ZMYM4: variants seen among roughly 807,000 people sequenced by gnomAD.
The protein encoded by ZMYM4 is zinc finger MYM-type protein 4.
Under a neutral mutation model 183.2 loss-of-function variants are expected in ZMYM4, and 31 were observed. That is an observed-to-expected ratio of 0.17 (90% CI 0.13 to 0.23). The LOEUF is 0.23. Ranked by LOEUF, ZMYM4 falls within the 10% of genes least tolerant of loss-of-function variation. ZMYM4 has a pLI of 1.00. For synonymous variants in ZMYM4, 592 were observed against 631.2 expected, an observed-to-expected ratio of 0.94 and a Z score of 0.93; for missense variants, 1,273 against 1,840.3, an observed-to-expected ratio of 0.69 and a Z score of 5.64.
intron 2 of ZMYM4, among the ~76,000 whole-genome samples, chr1:35,352,269 GCACACACACACACACACACACA>G (rs56011152): frequency 4.8e-5 from 6 of 124,526 alleles, no homozygotes; most frequent in South Asian, 2.6e-4. Context: ...ACGCGCGCGC[GCACACACACACACACACACACA>G]CACACACACA....
intron 2 of ZMYM4, among the ~76,000 whole-genome samples, chr1:35,332,366 C>G (rs1053022926): frequency 6.7e-6 from 1 of 150,150 alleles, no homozygotes; most frequent in Non-Finnish European, 1.5e-5. Context: ...CTCAAGGATT[C>G]AATGGCTCCG....
At chr1:35,366,451 AAAAAT>A (rs1469532707) in intron 5 of ZMYM4, among the ~76,000 whole-genome samples, 1 of 152,232 alleles carries the variant, frequency 6.6e-6, no homozygotes, top group Non-Finnish European at 1.5e-5. Flanking sequence ...AATTAGAAGA[AAAAAT>A]AATGGAAAAA....
chr1:35,386,749 A>G (rs1411733994), intron 11 of ZMYM4, among the ~76,000 whole-genome samples: 1 of 152,160 alleles, frequency 6.6e-6, no homozygotes, highest in African/African-American at 2.4e-5. Context: ...ATAAAATTGA[A>G]TGGTACTTTT....
chr1:35,285,602 A>G (rs1640444150), intron 1 of ZMYM4, among the ~76,000 whole-genome samples: 1 of 152,228 alleles, frequency 6.6e-6, no homozygotes, highest in South Asian at 2.1e-4. Context: ...ATTTAAAAAT[A>G]GAGTATAACA....
chr1:35,391,366 A>G (rs932437848), intron 15 of ZMYM4, among the ~76,000 whole-genome samples: 1 of 152,164 alleles, frequency 6.6e-6, no homozygotes, highest in Non-Finnish European at 1.5e-5. Flanking sequence ...TTTGTTGCTT[A>G]CTTACCTTGT....
At chr1:35,346,808 G>A (rs1321488352) in intron 2 of ZMYM4, among the ~76,000 whole-genome samples, 2 of 152,082 alleles carry the variant, frequency 1.3e-5, no homozygotes, top group African/African-American at 2.4e-5. Flanking sequence ...TTCTATAGAT[G>A]TAGTGTTAGC....
At chr1:35,291,499 G>A (rs140012447) in intron 1 of ZMYM4, among the ~76,000 whole-genome samples, 1 of 151,862 alleles carries the variant, frequency 6.6e-6, no homozygotes, top group African/African-American at 2.4e-5. Flanking sequence ...GTGCCTTTTA[G>A]CATTTTATTT....
chr1:35,409,401 G>T (rs1040723480), intron 26 of ZMYM4, among the ~76,000 whole-genome samples: 2 of 152,006 alleles, frequency 1.3e-5, no homozygotes, highest in African/African-American at 4.8e-5. Flanking sequence ...AGCAGTGTAT[G>T]AAGATTCCAG....
chr1:35,319,488 G>A (rs1029553199), intron 1 of ZMYM4, among the ~76,000 whole-genome samples: 3 of 152,058 alleles, frequency 2.0e-5, no homozygotes, highest in African/African-American at 7.2e-5. Flanking sequence ...GCTGGGCGTG[G>A]TTGTGCACAC....
At position 35,405,431 on chromosome 1, in the gene ZMYM4, T is replaced by G. The variant is rs1020694155; in HGVS notation, c.3759T>G (p.His1253Gln). The part of the protein sequence containing the change: ...RSDPLGSTQD[H>Q]ALSQESSEPG... ...ACCCCTTAGGAAGTACTCAAGACCA[T>G]GCACTCTCTCAAGAATCCTCAGAGC... The change falls in exon 25 of 30, where the codon CAT becomes CAG. Residue 1253 changes from histidine (H) to glutamine (Q), a missense_variant. By Grantham distance (24) the His-to-Gln change is conservative. Transcript: ENST00000314607. 9 of 1,612,888 alleles carry G rather than the reference T, an allele frequency of 5.6e-6. No individual in the cohort carries two copies. Among genetic ancestry groups the G allele is most frequent in the Non-Finnish European group, 7.6e-6 (9 of 1,179,524 alleles).
intron 9 of ZMYM4, among the ~76,000 whole-genome samples, chr1:35,382,185 C>A (rs12032730): frequency 1.0e-5 from 1 of 99,302 alleles, no homozygotes; most frequent in East Asian, 3.4e-3. Context: ...CACACATACA[C>A]ACACACACAC....
rs1570505726 is a variant in ZMYM4 at position 35,390,232 on chromosome 1, T to C, written c.2587+134T>C. On this transcript the variant is annotated intron_variant, in intron 15 of 29. Coordinates refer to ENST00000314607, the MANE Select transcript of ZMYM4 (RefSeq NM_005095.3). The stretch of plus-strand genomic sequence containing the variant: ...TCAGTTTCCTTGTATTCTGTATCAA[T>C]AACATTTAGCTTTTTTTGTTGAACA... 4.9e-6 allele frequency: 5 copies of C among 1,030,832 alleles called. No homozygotes were observed. In the African/African-American group the frequency reaches 6.5e-5, roughly 13 times the overall value. The allele number at this position is 1,030,832 out of a possible 1,614,324, so 63.9% of individuals were successfully genotyped here.
intron 9 of ZMYM4, among the ~76,000 whole-genome samples, chr1:35,382,674 AC>A (rs1343975953): frequency 1.3e-5 from 2 of 151,828 alleles, no homozygotes; most frequent in African/African-American, 4.8e-5. Flanking sequence ...CAAACTCCTG[AC>A]CTCAAGTGAT....
intron 1 of ZMYM4, among the ~76,000 whole-genome samples, chr1:35,279,774 A>T (rs988926798): frequency 6.6e-6 from 1 of 152,214 alleles, no homozygotes; most frequent in African/African-American, 2.4e-5. Context: ...CAGCCACTTT[A>T]TAACATAGCT....
intron 17 of ZMYM4, among the ~76,000 whole-genome samples, chr1:35,393,267 G>A (rs1295169939): frequency 6.6e-6 from 1 of 152,110 alleles, no homozygotes; most frequent in Admixed American, 6.5e-5. Context: ...CAAGTCCTCT[G>A]TGTCTTAATC....
rs78703485 is a variant in ZMYM4, at chr1:35,365,175, T to C, written c.840+3386T>C. Among the ~76,000 whole-genome samples the C allele has an allele frequency of 4.4e-4, 66 of 151,450 alleles. 1 individual carries two copies. In the East Asian group the frequency reaches 0.01, roughly 23 times the overall value. Reference sequence around the variant, plus strand: ...TTATAGGTGAGAGAGCTGAGAGATATAGAGATTTAGTTACTCAAGCCCTCA... The same window carrying C: ...TTATAGGTGAGAGAGCTGAGAGATACAGAGATTTAGTTACTCAAGCCCTCA... On this transcript the variant is annotated intron_variant, in intron 5 of 29. Coordinates refer to ENST00000314607, the MANE Select transcript of ZMYM4 (RefSeq NM_005095.3).
At chr1:35,361,060 G>A (rs781598892) in intron 3 of ZMYM4, 134 bp from the exon 4 acceptor site, 8 of 674,648 alleles carry the variant, frequency 1.2e-5, no homozygotes, top group Non-Finnish European at 1.4e-5. Context: ...GTGTTTTTGG[G>A]ACCCAGTTCA....
intron 1 of ZMYM4, 107 bp from the exon 2 acceptor site, chr1:35,325,253 A>G (rs934749458): frequency 9.8e-7 from 1 of 1,025,538 alleles, no homozygotes; most frequent in Non-Finnish European, 1.4e-6. Context: ...TGCACTTGTC[A>G]TTTGGGTTGA....
intron 1 of ZMYM4, among the ~76,000 whole-genome samples, chr1:35,288,121 T>G (rs1640594746): frequency 2.6e-5 from 4 of 152,250 alleles, no homozygotes; most frequent in African/African-American, 9.6e-5. Flanking sequence ...TTGTTAATAC[T>G]ACATCAGGTA....
Sources: allele counts gnomAD v4.1 joint callset (sites outside exome capture counted in the v4.1 genomes callset), GRCh38; gene constraint gnomAD v4.1.1; transcripts MANE v1.5; gene names NCBI Gene and HGNC (gene_info 2026-07-23, HGNC 2026-07-21).